DNAAF11: variants seen among roughly 807,000 people sequenced by gnomAD.
DNAAF11 encodes dynein axonemal assembly factor 11.
In DNAAF11, 45 loss-of-function variants were observed where a neutral mutation model predicts 60.8. The observed-to-expected ratio is 0.74, with a 90% CI of 0.58 to 0.95. The LOEUF is 0.95. Ranked by LOEUF, DNAAF11 falls within the 40% of genes least tolerant of loss-of-function variation. The pLI, the probability that DNAAF11 is intolerant of heterozygous loss-of-function variation, is 0.00. For missense variants in DNAAF11, 546 were observed against 546.2 expected (o/e 1.00, Z 0.00); for synonymous variants, 191 against 183.5 (o/e 1.04, Z -0.33).
intron 3 of DNAAF11, among the ~76,000 whole-genome samples, chr8:132,645,863 G>T (rs1203113265): frequency 1.3e-5 from 2 of 152,208 alleles, no homozygotes; most frequent in Non-Finnish European, 2.9e-5. Context: ...ACATCTGATT[G>T]GTGTACCTGA....
At chr8:132,671,270 A>G (rs1332796887) in intron 1 of DNAAF11, among the ~76,000 whole-genome samples, 3 of 152,228 alleles carry the variant, frequency 2.0e-5, no homozygotes, top group Non-Finnish European at 2.9e-5. Flanking sequence ...ATACTTCTAT[A>G]TACTCAACAC....
Position 132,646,475 on chromosome 8 carries a change from C to A in DNAAF11, c.257-8368G>T, listed in dbSNP as rs185789893. 2.4e-3 allele frequency among the ~76,000 whole-genome samples: 360 copies of A among 152,288 alleles called. 3 individuals are homozygous for A. Among genetic ancestry groups the A allele is most frequent in the Non-Finnish European group, 3.0e-3 (201 of 68,028 alleles). On this transcript the variant is annotated intron_variant, in intron 3 of 11. Coordinates refer to ENST00000620350, the MANE Select transcript of DNAAF11 (RefSeq NM_012472.6). ...AACATCATAATGACAGGATCAAATT[C>A]TCACACAACAATATTAGCCTTAAAT...
At chr8:132,600,825 A>G (rs937716933) in intron 10 of DNAAF11, among the ~76,000 whole-genome samples, 1 of 152,232 alleles carries the variant, frequency 6.6e-6, no homozygotes, top group Non-Finnish European at 1.5e-5. Context: ...AAACCCTAGA[A>G]GAAAACCTAG....
At chr8:132,600,204 CCAACTTA>C (rs1817462524) in intron 10 of DNAAF11, among the ~76,000 whole-genome samples, 1 of 152,076 alleles carries the variant, frequency 6.6e-6, no homozygotes, top group African/African-American at 2.4e-5. Flanking sequence ...ACCTAGGAAT[CCAACTTA>C]CAAGGGATGT....
intron 11 of DNAAF11, among the ~76,000 whole-genome samples, chr8:132,574,516 C>G (rs998452607): frequency 6.6e-6 from 1 of 152,204 alleles, no homozygotes; most frequent in South Asian, 2.1e-4. Flanking sequence ...TGTGTTGTTG[C>G]AACCCATTGC....
At chr8:132,671,858 T>C (rs1251462074) in intron 1 of DNAAF11, among the ~76,000 whole-genome samples, 3 of 150,936 alleles carry the variant, frequency 2.0e-5, no homozygotes, top group African/African-American at 7.3e-5. Flanking sequence ...TCTCACATCA[T>C]ATACAAAAAT....
intron 1 of DNAAF11, among the ~76,000 whole-genome samples, chr8:132,669,306 T>C (rs1277065781): frequency 6.6e-6 from 1 of 152,188 alleles, no homozygotes; most frequent in Non-Finnish European, 1.5e-5. Context: ...TCAGACTACA[T>C]GTTGTCACAG....
chr8:132,609,985 T>A (rs1472220161), intron 10 of DNAAF11, among the ~76,000 whole-genome samples, 181 bp downstream of exon 10: 2 of 152,172 alleles, frequency 1.3e-5, no homozygotes, highest in Non-Finnish European at 2.9e-5. Flanking sequence ...CCCAAACACA[T>A]TCCAGTCTGA....
At chr8:132,608,246 C>T (rs1455210781) in intron 10 of DNAAF11, among the ~76,000 whole-genome samples, 1 of 151,946 alleles carries the variant, frequency 6.6e-6, no homozygotes, top group Non-Finnish European at 1.5e-5. Flanking sequence ...AAACGAAGAA[C>T]TTATACATCA....
chr8:132,661,605 C>T lies in DNAAF11; in HGVS notation c.33G>A (p.Arg11=). The T allele has an allele frequency of 6.2e-7, 1 of 1,614,072 alleles. No individual in the cohort carries two copies. The highest frequency in any genetic ancestry group is 2.2e-5 in the East Asian group (1 of 44,872). The change falls in exon 2 of 12, where the codon CGG becomes CGA. Residue 11 remains arginine, a synonymous_variant. Transcript: ENST00000620350. ...TGACACAGTCGTTGTGTTCAGCATTCCGTCTAATAAGATCTTCTGTGACTG... is the reference window on the plus strand; with the variant it reads ...TGACACAGTCGTTGTGTTCAGCATTTCGTCTAATAAGATCTTCTGTGACTG... The part of the protein sequence containing the change: MGWITEDLIR[R]NAEHNDCVIF...
chr8:132,614,036 G>A (rs968007236), intron 8 of DNAAF11, among the ~76,000 whole-genome samples: 1 of 152,202 alleles, frequency 6.6e-6, no homozygotes, highest in African/African-American at 2.4e-5. Context: ...TGTTTTAGGT[G>A]TGGAGATGTA....
intron 1 of DNAAF11, among the ~76,000 whole-genome samples, chr8:132,669,303 A>G (rs1234584630): frequency 6.6e-6 from 1 of 152,222 alleles, no homozygotes; most frequent in African/African-American, 2.4e-5. Context: ...GAGTCAGACT[A>G]CATGTTGTCA....
At chr8:132,669,940 C>CAAAAAAAAAAAAAAAAAAAAAAAAA (rs35402875) in intron 1 of DNAAF11, among the ~76,000 whole-genome samples, 1 of 69,786 alleles carries the variant, frequency 1.4e-5, no homozygotes, top group African/African-American at 4.0e-5. Flanking sequence ...GACTCCGTCT[C>CAAAAAAAAAAAAAAAAAAAAAAAAA]AAAAAAAAAA....
At chr8:132,579,358 C>T (rs1032552347) in intron 11 of DNAAF11, among the ~76,000 whole-genome samples, 2 of 152,054 alleles carry the variant, frequency 1.3e-5, no homozygotes, top group Non-Finnish European at 2.9e-5. Flanking sequence ...CAACAGAAAC[C>T]GCAGGGGGCT....
chr8:132,585,925 T>C (rs921920852), intron 10 of DNAAF11, among the ~76,000 whole-genome samples: 3 of 152,218 alleles, frequency 2.0e-5, no homozygotes, highest in Non-Finnish European at 2.9e-5. Context: ...TTCTTTTTCT[T>C]TAACTGAATG....
chr8:132,584,019 G>C (rs1815624577), intron 10 of DNAAF11, among the ~76,000 whole-genome samples: 1 of 152,096 alleles, frequency 6.6e-6, no homozygotes, highest in Admixed American at 6.6e-5. Flanking sequence ...GGCCAAGCAG[G>C]AGATATGGTG....
upstream of DNAAF11, among the ~76,000 whole-genome samples, chr8:132,678,417 C>T (rs1258480229): frequency 1.3e-5 from 2 of 152,328 alleles, no homozygotes; most frequent in South Asian, 2.1e-4. Context: ...CGTAGTCACC[C>T]GTTTCCTGAT....
At chr8:132,590,070 T>C (rs1292819577) in intron 10 of DNAAF11, among the ~76,000 whole-genome samples, 1 of 152,192 alleles carries the variant, frequency 6.6e-6, no homozygotes, top group African/African-American at 2.4e-5. Flanking sequence ...CTCATATCCA[T>C]TGCCTGCCCT....
intron 1 of DNAAF11, among the ~76,000 whole-genome samples, chr8:132,668,196 A>G (rs1824821589): frequency 6.6e-6 from 1 of 152,214 alleles, no homozygotes; most frequent in African/African-American, 2.4e-5. Flanking sequence ...AACTCTTAAA[A>G]GCAGGATTGT....
Sources: allele counts gnomAD v4.1 joint callset (sites outside exome capture counted in the v4.1 genomes callset), GRCh38; gene constraint gnomAD v4.1.1; transcripts MANE v1.5; gene names NCBI Gene and HGNC (gene_info 2026-07-23, HGNC 2026-07-21).